Variants in BIN3 observed in about 807,000 individuals in gnomAD.
The protein encoded by BIN3 is bridging integrator 3.
BIN3 carries 41 observed loss-of-function variants against 38.2 expected under a neutral mutation model. That is an observed-to-expected ratio of 1.07 (90% CI 0.84 to 1.39). BIN3 has a LOEUF of 1.39. Ranked by LOEUF, BIN3 falls within the 40% of genes most tolerant of loss-of-function variation. The pLI is 0.00. For missense variants in BIN3, 361 were observed against 324.3 expected (o/e 1.11, Z -0.87); for synonymous variants, 145 against 122.6 (o/e 1.18, Z -1.21).
At chr8:22,642,583 T>C (rs1431717604) in intron 2 of BIN3, among the ~76,000 whole-genome samples, 1 of 152,222 alleles carries the variant, frequency 6.6e-6, no homozygotes, top group Non-Finnish European at 1.5e-5. Flanking sequence ...CAGCTTCCTG[T>C]GATGTAGTTA....
chr8:22,635,410 G>A (rs1802335715), intron 4 of BIN3, among the ~76,000 whole-genome samples: 1 of 152,106 alleles, frequency 6.6e-6, no homozygotes, highest in South Asian at 2.1e-4. Flanking sequence ...GAGAGGAAGT[G>A]GGCAGTCCTG....
intron 4 of BIN3, among the ~76,000 whole-genome samples, chr8:22,634,260 C>A (rs1172028608): frequency 1.3e-5 from 2 of 152,222 alleles, no homozygotes; most frequent in African/African-American, 4.8e-5. Flanking sequence ...AAATCCAGTC[C>A]TTGGCTTGTG....
At chr8:22,630,353 A>C in intron 5 of BIN3, 89 bp downstream of exon 5, 1 of 1,528,928 alleles carries the variant, frequency 6.5e-7, no homozygotes, top group Non-Finnish European at 8.9e-7. Context: ...GAGCAGAGGG[A>C]GCCCACTCGG....
At position 22,625,349 on chromosome 8, in the gene BIN3, C is replaced by A. The variant is rs958567203; in HGVS notation, c.339-986G>T. The A allele has an allele frequency of 4.3e-6, 3 of 702,432 alleles. No homozygotes were observed. The African/African-American group carries it at 5.2e-5, about 12-fold the overall frequency. The allele number at this position is 702,432 out of a possible 1,614,324, so 43.5% of individuals were successfully genotyped here. A position where few individuals can be genotyped will look rare whatever the true frequency, so the allele number is the denominator to read the frequency against. ...CAGTGTCCAGGATCAGGCTGCGCAG[C>A]CCAGGGAGCTCATGACTCTGTGGCC... On this transcript the variant is annotated intron_variant, in intron 6 of 8. Coordinates refer to ENST00000276416, the MANE Select transcript of BIN3 (RefSeq NM_018688.6).
intron 2 of BIN3, among the ~76,000 whole-genome samples, chr8:22,639,146 G>A (rs545074174): frequency 5.3e-5 from 8 of 152,356 alleles, no homozygotes; most frequent in African/African-American, 1.7e-4. Context: ...CTCCAGCAGG[G>A]CTGGAAGAAT....
In BIN3 at chr8:22,623,460, A is replaced by C. The variant is rs890283554; in HGVS notation, c.615+455T>G. On this transcript the variant is annotated intron_variant, in intron 8 of 8. Coordinates refer to ENST00000276416, the MANE Select transcript of BIN3 (RefSeq NM_018688.6). ...GGAGCCCCCTTCCTTAGTGGTTCCAAGGCAGGACTCCCGCCGTTTCCTGCT... is the reference window on the plus strand; with the variant it reads ...GGAGCCCCCTTCCTTAGTGGTTCCACGGCAGGACTCCCGCCGTTTCCTGCT... 7.8e-4 allele frequency among the ~76,000 whole-genome samples: 118 copies of C among 152,194 alleles called. 1 individual carries two copies. Among genetic ancestry groups the C allele is most frequent in the African/African-American group, 2.7e-3 (111 of 41,556 alleles).
chr8:22,621,197 A>C lies in BIN3; in HGVS notation c.*225T>G. 5.2e-6 allele frequency: 3 copies of C among 575,018 alleles called. No individual in the cohort carries two copies. Among genetic ancestry groups the C allele is most frequent in the Non-Finnish European group, 9.1e-6 (3 of 328,464 alleles). The allele number at this position is 575,018 out of a possible 1,614,324, so 35.6% of individuals were successfully genotyped here. On this transcript the variant is annotated 3_prime_UTR_variant, in exon 9 of 9. Transcript: ENST00000276416. ...CGGTTCTCCAAATAAAAAAGCCCCA[A>C]GGGTTTGTCTACACTGCTTACCTGC... is the stretch of plus-strand genomic sequence containing the variant.
chr8:22,639,895 CTT>C (rs1196517024), intron 2 of BIN3, among the ~76,000 whole-genome samples: 11 of 151,716 alleles, frequency 7.3e-5, no homozygotes, highest in African/African-American at 1.5e-4. Context: ...GAGTTTCGCT[CTT>C]GTCACCCAGG....
At chr8:22,636,425 T>G in intron 4 of BIN3, 100 bp downstream of exon 4, 1 of 1,266,846 alleles carries the variant, frequency 7.9e-7, no homozygotes, top group South Asian at 1.3e-5. Context: ...ACACGTCCTC[T>G]GAGCGCAGCA....
At position 22,669,074 on chromosome 8, in the gene BIN3, C is replaced by T. The variant is rs375847183; in HGVS notation, c.-23G>A. On this transcript the variant is annotated 5_prime_UTR_variant, in exon 1 of 9. Coordinates refer to ENST00000276416, the MANE Select transcript of BIN3 (RefSeq NM_018688.6). The stretch of plus-strand genomic sequence containing the variant: ...CATGGTCCCGAACCTGCGTCTGCCG[C>T]CGGGGTCCTCAGCCACAACTCGTTT... 6.3e-7 allele frequency: 1 copy of T among 1,591,012 alleles called. No individual in the cohort carries two copies. The highest frequency in any genetic ancestry group is 8.6e-7 in the Non-Finnish European group (1 of 1,169,106).
At chr8:22,665,258 G>A (rs1803379325) in intron 1 of BIN3, among the ~76,000 whole-genome samples, 1 of 152,224 alleles carries the variant, frequency 6.6e-6, no homozygotes, top group South Asian at 2.1e-4. Context: ...ATTTTAGGAA[G>A]TGGTTTGTAG....
At position 22,661,352 on chromosome 8, in the gene BIN3, C is replaced by CTTTTTTTTTTT. The variant is rs751194383; in HGVS notation, c.8+7681_8+7691dup. ...ATAGTACAATGTTGAATGTATCATT[C>CTTTTTTTTTTT]TTTTTTTTTTTTTTTTTTTTTTTGA... On this transcript the variant is annotated intron_variant, in intron 1 of 8. Coordinates refer to ENST00000276416, the MANE Select transcript of BIN3 (RefSeq NM_018688.6). Among the ~76,000 whole-genome samples, 264 of 84,450 alleles carry CTTTTTTTTTTT rather than the reference C, an allele frequency of 3.1e-3. 19 individuals are homozygous for CTTTTTTTTTTT. Among genetic ancestry groups the CTTTTTTTTTTT allele is most frequent in the Non-Finnish European group, 3.7e-3 (180 of 48,436 alleles). 55.4% of individuals were successfully genotyped at this position (84,450 alleles called of 152,430 possible).
chr8:22,637,818 G>A (rs1266972454), intron 2 of BIN3, among the ~76,000 whole-genome samples: 2 of 152,154 alleles, frequency 1.3e-5, no homozygotes, highest in African/African-American at 4.8e-5. Context: ...GCCAGCTTCG[G>A]GCTTCGTGCT....
chr8:22,668,831 G>A (rs1803512881), intron 1 of BIN3, among the ~76,000 whole-genome samples: 1 of 152,270 alleles, frequency 6.6e-6, no homozygotes, highest in Admixed American at 6.5e-5. Flanking sequence ...CAGGCTAAGA[G>A]GATCATCCGC....
intron 1 of BIN3, among the ~76,000 whole-genome samples, chr8:22,662,633 T>C (rs527448764): frequency 1.6e-4 from 24 of 152,316 alleles, no homozygotes; most frequent in African/African-American, 5.5e-4. Context: ...TAGCTTATCG[T>C]CTGAGTATTT....
intron 4 of BIN3, among the ~76,000 whole-genome samples, chr8:22,634,108 C>T (rs990446719): frequency 2.0e-5 from 3 of 152,240 alleles, no homozygotes; most frequent in Non-Finnish European, 2.9e-5. Context: ...ATGCAGCTGT[C>T]TGCAGAAGCA....
chr8:22,649,735 CTTGT>C (rs1433978106), intron 1 of BIN3, among the ~76,000 whole-genome samples: 2 of 151,508 alleles, frequency 1.3e-5, no homozygotes, highest in South Asian at 2.1e-4. Context: ...AAAAAACACC[CTTGT>C]TTTTTTCTTG....
At chr8:22,642,447 G>T (rs754315685) in intron 2 of BIN3, among the ~76,000 whole-genome samples, 7 of 152,178 alleles carry the variant, frequency 4.6e-5, no homozygotes, top group African/African-American at 1.2e-4. Context: ...TAACTACTCC[G>T]AGCTGTAGCT....
chr8:22,630,904 T>C (rs1036795271), intron 4 of BIN3, among the ~76,000 whole-genome samples: 3 of 152,220 alleles, frequency 2.0e-5, no homozygotes, highest in Admixed American at 6.5e-5. Context: ...GTAAACCCGG[T>C]ACCCAAGAAT....
Sources: allele counts gnomAD v4.1 joint callset (sites outside exome capture counted in the v4.1 genomes callset), GRCh38; gene constraint gnomAD v4.1.1; transcripts MANE v1.5; gene names NCBI Gene and HGNC (gene_info 2026-07-23, HGNC 2026-07-21).